Variants in SPAG16 observed in about 807,000 individuals in gnomAD.
The protein encoded by SPAG16 is sperm associated antigen 16.
Under a neutral mutation model 80.4 loss-of-function variants are expected in SPAG16, and 86 were observed. The observed-to-expected ratio is 1.07, with a 90% CI of 0.90 to 1.28. The LOEUF (loss-of-function observed/expected upper bound fraction) is 1.28, where lower values mean the gene tolerates loss of function less well. SPAG16 is among the 50% of genes most tolerant of loss of function. The pLI is 0.00. For synonymous variants in SPAG16, 294 were observed against 265.9 expected (o/e 1.11, Z -1.03); for missense variants, 870 against 765.3 (o/e 1.14, Z -1.61).
chr2:213,900,661 G>A (rs982223081), intron 11 of SPAG16, among the ~76,000 whole-genome samples: 2 of 152,002 alleles, frequency 1.3e-5, no homozygotes, highest in African/African-American at 2.4e-5. Flanking sequence ...TAGACTAATT[G>A]TTCTGTTACT....
At chr2:213,693,084 A>C (rs529455947) in intron 10 of SPAG16, among the ~76,000 whole-genome samples, 2 of 152,220 alleles carry the variant, frequency 1.3e-5, no homozygotes, top group Non-Finnish European at 2.9e-5. Context: ...AGCAAACTAT[A>C]ACCAAGAAAA....
At chr2:213,572,245 A>G (rs369430329) in intron 10 of SPAG16, among the ~76,000 whole-genome samples, 16 of 82,488 alleles carry the variant, frequency 1.9e-4, no homozygotes, top group African/African-American at 8.8e-4. Context: ...GCTCGTCAAA[A>G]TCATTCTCCA....
At chr2:214,198,352 T>C (rs1439203721) in intron 15 of SPAG16, among the ~76,000 whole-genome samples, 1 of 152,110 alleles carries the variant, frequency 6.6e-6, no homozygotes, top group East Asian at 1.9e-4. Context: ...ATACAAAATT[T>C]GGTTTTTCCA....
chr2:214,013,985 G>C lies in SPAG16; in HGVS notation c.1435G>C (p.Asp479His). The C allele has an allele frequency of 6.2e-7, 1 of 1,613,516 alleles. No individual in the cohort carries two copies. Among genetic ancestry groups the C allele is most frequent in the Non-Finnish European group, 8.5e-7 (1 of 1,179,732 alleles). ...RCRCTLYGHT[D>H]SVNSIEFFPF... Reference sequence around the variant, plus strand: ...CAGATGTACTTTGTATGGACATACAGATTCTGTGAACAGCATTGAGTTTTT... The same window carrying C: ...CAGATGTACTTTGTATGGACATACACATTCTGTGAACAGCATTGAGTTTTT... The change falls in exon 13 of 16, where the codon GAT (aspartate) becomes CAT (histidine). Residue 479 changes from aspartate (D) to histidine (H), a missense_variant. Transcript: ENST00000331683.
At chr2:213,465,795 G>A (rs2072654279) in intron 9 of SPAG16, among the ~76,000 whole-genome samples, 1 of 152,208 alleles carries the variant, frequency 6.6e-6, no homozygotes, top group African/African-American at 2.4e-5. Flanking sequence ...TGCTCAAGTA[G>A]CCCATGGGCT....
chr2:213,663,502 A>G (rs1486593132), intron 10 of SPAG16, among the ~76,000 whole-genome samples: 1 of 152,096 alleles, frequency 6.6e-6, no homozygotes, highest in Non-Finnish European at 1.5e-5. Context: ...TTATTTTAAA[A>G]CAAGTGAAAT....
At chr2:214,202,150 A>G (rs961656001) in intron 15 of SPAG16, among the ~76,000 whole-genome samples, 1 of 152,206 alleles carries the variant, frequency 6.6e-6, no homozygotes, top group African/African-American at 2.4e-5. Context: ...TCAGCCAAAA[A>G]TCACATTTCT....
intron 10 of SPAG16, among the ~76,000 whole-genome samples, chr2:213,663,965 A>C (rs1330913615): frequency 6.6e-6 from 1 of 152,156 alleles, no homozygotes; most frequent in Non-Finnish European, 1.5e-5. Flanking sequence ...GCACAAATTT[A>C]TTATCTTACA....
chr2:213,605,678 A>G (rs914075417), intron 10 of SPAG16, among the ~76,000 whole-genome samples: 1 of 151,872 alleles, frequency 6.6e-6, no homozygotes, highest in African/African-American at 2.4e-5. Flanking sequence ...TTTAGCAGAG[A>G]TGGGGTTTCA....
chr2:213,662,264 A>G (rs1196307179), intron 10 of SPAG16, among the ~76,000 whole-genome samples: 2 of 152,174 alleles, frequency 1.3e-5, no homozygotes, highest in African/African-American at 4.8e-5. Context: ...AACAATTTGT[A>G]GGAGGTGGGA....
chr2:213,488,882 G>C (rs574416894), intron 9 of SPAG16, among the ~76,000 whole-genome samples: 56 of 148,522 alleles, frequency 3.8e-4, no homozygotes, highest in African/African-American at 1.3e-3. Flanking sequence ...TTTGAGACCA[G>C]CCTGGCCAAT....
intron 1 of SPAG16, among the ~76,000 whole-genome samples, chr2:213,293,267 T>G (rs534133220): frequency 3.9e-5 from 6 of 152,198 alleles, no homozygotes; most frequent in Non-Finnish European, 8.8e-5. Context: ...CAATTAAACC[T>G]CTTTTCCTTA....
intron 10 of SPAG16, among the ~76,000 whole-genome samples, chr2:213,740,021 G>A (rs1383639931): frequency 6.6e-6 from 1 of 151,972 alleles, no homozygotes; most frequent in Non-Finnish European, 1.5e-5. Context: ...GAATTCTTTT[G>A]GAAAGCCAAG....
chr2:213,696,092 C>G (rs942832037), intron 10 of SPAG16, among the ~76,000 whole-genome samples: 1 of 151,834 alleles, frequency 6.6e-6, no homozygotes, highest in East Asian at 1.9e-4. Context: ...AGGGTAAAGC[C>G]AAAAGATTTG....
chr2:213,907,419 G>T (rs1202550936), intron 11 of SPAG16, among the ~76,000 whole-genome samples: 2 of 150,924 alleles, frequency 1.3e-5, no homozygotes, highest in Admixed American at 6.6e-5. Context: ...ATTTATACAT[G>T]ATCAATGTGA....
intron 10 of SPAG16, among the ~76,000 whole-genome samples, chr2:213,587,882 A>C (rs2060526111): frequency 6.6e-6 from 1 of 152,178 alleles, no homozygotes; most frequent in Non-Finnish European, 1.5e-5. Context: ...CAAATATTCG[A>C]ATTAGCGTAC....
chr2:213,447,214 G>A (rs1311197596), intron 9 of SPAG16, among the ~76,000 whole-genome samples: 1 of 152,178 alleles, frequency 6.6e-6, no homozygotes, highest in African/African-American at 2.4e-5. Flanking sequence ...CTCATTGGGA[G>A]GACAAGGATC....
At chr2:213,653,992 CA>C in intron 10 of SPAG16, among the ~76,000 whole-genome samples, 1 of 151,972 alleles carries the variant, frequency 6.6e-6, no homozygotes, top group East Asian at 1.9e-4. Flanking sequence ...TAATTTGAAA[CA>C]AAATTTGAGA....
At chr2:213,991,488 T>C (rs766088372) in intron 12 of SPAG16, among the ~76,000 whole-genome samples, 2 of 152,140 alleles carry the variant, frequency 1.3e-5, no homozygotes, top group Non-Finnish European at 2.9e-5. Flanking sequence ...TATAGTAAAA[T>C]ATAAATCCAC....
Sources: allele counts gnomAD v4.1 joint callset (sites outside exome capture counted in the v4.1 genomes callset), GRCh38; gene constraint gnomAD v4.1.1; transcripts MANE v1.5; gene names NCBI Gene and HGNC (gene_info 2026-07-23, HGNC 2026-07-21).